Variants in GRIN2A observed in about 807,000 individuals in gnomAD.
GRIN2A encodes glutamate ionotropic receptor NMDA type subunit 2A.
Under a neutral mutation model 113.4 loss-of-function variants are expected in GRIN2A, and 22 were observed. The ratio of observed to expected loss-of-function variants is 0.19; its 90% CI spans 0.14 to 0.28. GRIN2A has a LOEUF of 0.28. Ranked by LOEUF, GRIN2A falls within the 10% of genes least tolerant of loss-of-function variation. The pLI is 1.00. For missense variants in GRIN2A, 1,502 were observed against 1,887.0 expected, an observed-to-expected ratio of 0.80 and a Z score of 3.78; for synonymous variants, 827 against 738.4, an observed-to-expected ratio of 1.12 and a Z score of -1.94.
Position 9,849,976 on chromosome 16 carries a change from C to T in GRIN2A, c.1123-15G>A. ...CACTTGCCCACCTGCAGCACAAACA[C>T]AAAGACACAGCTGTGCTTTCTTCCG... On this transcript the variant is annotated splice_polypyrimidine_tract_variant and intron_variant, in intron 4 of 12. Coordinates refer to ENST00000330684, the MANE Select transcript of GRIN2A (RefSeq NM_001134407.3). 1 of 1,607,566 alleles carries T rather than the reference C, an allele frequency of 6.2e-7. No individual in the cohort carries two copies. Among genetic ancestry groups the T allele is most frequent in the Non-Finnish European group, 8.5e-7 (1 of 1,174,284 alleles).
intron 2 of GRIN2A, among the ~76,000 whole-genome samples, chr16:9,955,546 C>A (rs1438433351): frequency 6.6e-5 from 10 of 152,172 alleles, no homozygotes; most frequent in Non-Finnish European, 1.0e-4. Flanking sequence ...TTTGCACCAA[C>A]CTAATATTTT....
At chr16:10,018,348 A>G (rs1221900288) in intron 2 of GRIN2A, among the ~76,000 whole-genome samples, 1 of 152,138 alleles carries the variant, frequency 6.6e-6, no homozygotes, top group Non-Finnish European at 1.5e-5. Context: ...AACATAAGAG[A>G]AGAAGGTGGG....
At chr16:9,787,079 GT>G (rs1390075000) in intron 11 of GRIN2A, among the ~76,000 whole-genome samples, 4 of 152,090 alleles carry the variant, frequency 2.6e-5, no homozygotes, top group African/African-American at 9.7e-5. Flanking sequence ...TTTCTTTGCC[GT>G]ATTTTTAAAT....
At chr16:9,843,119 G>A in intron 5 of GRIN2A, among the ~76,000 whole-genome samples, 1 of 151,920 alleles carries the variant, frequency 6.6e-6, no homozygotes, top group Non-Finnish European at 1.5e-5. Context: ...AGGAAACGAG[G>A]AAAGGAAGAA....
chr16:9,888,790 G>A (rs901298536), intron 4 of GRIN2A, among the ~76,000 whole-genome samples: 1 of 151,856 alleles, frequency 6.6e-6, no homozygotes, highest in African/African-American at 2.4e-5. Context: ...TTATCAGATT[G>A]AGGAATTTAC....
intron 10 of GRIN2A, among the ~76,000 whole-genome samples, chr16:9,806,131 A>C (rs568067760): frequency 1.6e-4 from 25 of 152,328 alleles, no homozygotes; most frequent in African/African-American, 4.8e-4. Flanking sequence ...AATTGTTTCC[A>C]ACTTTTTTGG....
intron 2 of GRIN2A, among the ~76,000 whole-genome samples, chr16:10,167,840 G>A (rs1469637216): frequency 3.9e-5 from 6 of 152,142 alleles, no homozygotes; most frequent in Non-Finnish European, 8.8e-5. Context: ...TTCTTTGGGG[G>A]GATGTGGGGG....
intron 2 of GRIN2A, among the ~76,000 whole-genome samples, chr16:10,055,894 AT>A (rs2047449837): frequency 6.6e-6 from 1 of 152,172 alleles, no homozygotes; most frequent in African/African-American, 2.4e-5. Context: ...ATACATGTAC[AT>A]TTTTGTCACT....
Position 9,962,900 on chromosome 16 carries a change from A to G in GRIN2A, c.415-24349T>C, listed in dbSNP as rs544631929. Among the ~76,000 whole-genome samples the G allele has an allele frequency of 1.3e-4, 20 of 152,256 alleles. 1 individual carries two copies. The South Asian group carries it at 4.2e-3, about 32-fold the overall frequency. On this transcript the variant is annotated intron_variant, in intron 2 of 12. Coordinates refer to ENST00000330684, the MANE Select transcript of GRIN2A (RefSeq NM_001134407.3). ...TGTCCAACAATGATAGACTGGTTTA[A>G]GAAAATGTGGCACATATACACCATG... is the stretch of plus-strand genomic sequence containing the variant.
chr16:10,075,808 C>G (rs1255153119), intron 2 of GRIN2A, among the ~76,000 whole-genome samples: 1 of 152,098 alleles, frequency 6.6e-6, no homozygotes, highest in African/African-American at 2.4e-5. Flanking sequence ...AATAATGCCT[C>G]TAGCTGCTCT....
At chr16:9,900,048 C>T (rs1292963693) in intron 3 of GRIN2A, among the ~76,000 whole-genome samples, 1 of 152,200 alleles carries the variant, frequency 6.6e-6, no homozygotes, top group Admixed American at 6.5e-5. Flanking sequence ...TAATGAGATA[C>T]ACAACGTGAT....
chr16:9,938,180 A>T lies in GRIN2A; in HGVS notation c.786T>A (p.Ser262=). 1 of 1,614,140 alleles carries T rather than the reference A, an allele frequency of 6.2e-7. No homozygotes were observed. Among genetic ancestry groups the T allele is most frequent in the Non-Finnish European group, 8.5e-7 (1 of 1,179,994 alleles). The change falls in exon 3 of 13, where the codon TCT becomes TCA. Residue 262 remains serine, a synonymous_variant. Transcript: ENST00000330684. The part of the protein sequence containing the change: ...DFFWIVPSLV[S]GNTELIPKEF... Reference sequence around the variant, plus strand: ...CTTTTGGGATGAGCTCCGTGTTCCCAGAGACCAAGCTGGGGACAATCCAGA... The same window carrying T: ...CTTTTGGGATGAGCTCCGTGTTCCCTGAGACCAAGCTGGGGACAATCCAGA...
chr16:9,855,995 T>C (rs1298518604), intron 4 of GRIN2A, among the ~76,000 whole-genome samples: 1 of 152,334 alleles, frequency 6.6e-6, no homozygotes, highest in East Asian at 1.9e-4. Context: ...TGTCCATTCC[T>C]AGCTGGGGCA....
intron 3 of GRIN2A, among the ~76,000 whole-genome samples, chr16:9,898,748 A>G (rs2043856850): frequency 6.7e-6 from 1 of 149,230 alleles, no homozygotes; most frequent in African/African-American, 2.5e-5. Context: ...AGTTTTCTTT[A>G]ACCTCTTTTC....
intron 2 of GRIN2A, among the ~76,000 whole-genome samples, chr16:10,046,980 G>A (rs2047271273): frequency 6.6e-6 from 1 of 152,104 alleles, no homozygotes; most frequent in Non-Finnish European, 1.5e-5. Context: ...AAGCTGTTCT[G>A]TGCACTGTAG....
intron 2 of GRIN2A, among the ~76,000 whole-genome samples, chr16:10,098,310 T>C (rs909308870): frequency 1.3e-5 from 2 of 152,108 alleles, no homozygotes; most frequent in South Asian, 2.1e-4. Flanking sequence ...AAAATAGACA[T>C]TGGCATGGAT....
intron 4 of GRIN2A, among the ~76,000 whole-genome samples, chr16:9,883,316 G>C (rs1196175877): frequency 1.3e-5 from 2 of 152,182 alleles, no homozygotes; most frequent in African/African-American, 4.8e-5. Context: ...CCAAACCCTT[G>C]TGGTGAAGCT....
At position 9,840,781 on chromosome 16, in the gene GRIN2A, A is replaced by G. The variant is rs796052543; in HGVS notation, c.1517T>C (p.Val506Ala). 6 of 1,597,800 alleles carry G rather than the reference A, an allele frequency of 3.8e-6. No individual in the cohort carries two copies. The highest frequency in any genetic ancestry group is 5.1e-6 in the Non-Finnish European group (6 of 1,171,482). ...MIGEVVYQRA[V>A]MAVGSLTINE... ...GATGGTGAGCGAGCCAACTGCCATG[A>G]CTGCCCGTTGATAGACCACCTGGAT... Residue 506 changes from valine (V) to alanine (A), a missense_variant, in exon 7 of 13, where the codon GTC becomes GCC. Val to Ala is a moderately conservative substitution (Grantham distance 64). Coordinates refer to ENST00000330684, the MANE Select transcript of GRIN2A (RefSeq NM_001134407.3).
At chr16:10,074,742 A>G (rs2047835261) in intron 2 of GRIN2A, among the ~76,000 whole-genome samples, 1 of 152,252 alleles carries the variant, frequency 6.6e-6, no homozygotes. Context: ...AGGGAGACAG[A>G]GTGACGGCTA....
Sources: gnomAD v4.1 joint callset for allele counts (sites outside exome capture counted in the v4.1 genomes callset) on GRCh38, gnomAD v4.1.1 for gene constraint, MANE v1.5 for transcripts, NCBI Gene and HGNC (gene_info 2026-07-23, HGNC 2026-07-21) for gene names.